The following FANCB variants were observed in gnomAD, a reference collection of about 807,000 sequenced individuals.
FANCB encodes Fanconi anemia group B protein.
A neutral mutation model predicts 38.9 loss-of-function variants in FANCB; 5 were observed. That is an observed-to-expected ratio of 0.13 (90% confidence interval 0.07 to 0.27). The LOEUF is 0.27. Ranked by LOEUF, FANCB falls within the 10% of genes least tolerant of loss-of-function variation. The pLI, the probability that FANCB is intolerant of heterozygous loss-of-function variation, is 1.00. For synonymous variants in FANCB, 236 were observed against 215.4 expected (o/e 1.10, Z -0.84); for missense variants, 573 against 602.7 (o/e 0.95, Z 0.52).
the FANCB span, among the ~76,000 whole-genome samples, chrX:14,775,766 A>G: frequency 8.9e-6 from 1 of 112,313 alleles, no homozygotes; most frequent in Non-Finnish European, 1.9e-5. Flanking sequence ...GGCTATTTTG[A>G]GTACAGCATC....
At chrX:14,735,078 T>C in the FANCB span, among the ~76,000 whole-genome samples, 2 of 109,743 alleles carry the variant, frequency 1.8e-5, no homozygotes, top group African/African-American at 6.7e-5. Flanking sequence ...TTCAGCTCCA[T>C]CAGGTCATTT....
At chrX:14,810,066 G>A in the FANCB span, among the ~76,000 whole-genome samples, 339 of 112,126 alleles carry the variant, frequency 3.0e-3, 1 homozygote, top group African/African-American at 9.9e-3. Context: ...GGTCTGGAGT[G>A]GACCTCTAGC....
chrX:14,721,251 A>T, the FANCB span, among the ~76,000 whole-genome samples: 1 of 111,065 alleles, frequency 9.0e-6, no homozygotes, highest in East Asian at 2.8e-4. Flanking sequence ...CGTTTTAGAG[A>T]TGTATTGCAT....
chrX:14,735,871 T>C, the FANCB span, among the ~76,000 whole-genome samples: 3 of 111,616 alleles, frequency 2.7e-5, no homozygotes, highest in Non-Finnish European at 5.7e-5. Flanking sequence ...CCCAGGGAGA[T>C]GGGAGTTTTA....
At chrX:14,823,079 C>CTTTTTTT in the FANCB span, among the ~76,000 whole-genome samples, 36 of 71,099 alleles carry the variant, frequency 5.1e-4, 2 homozygotes, top group East Asian at 2.1e-3. Flanking sequence ...TACCCTTTTA[C>CTTTTTTT]TTTTTTTTTT....
At chrX:14,795,919 A>G in the FANCB span, among the ~76,000 whole-genome samples, 1 of 111,986 alleles carries the variant, frequency 8.9e-6, no homozygotes, top group South Asian at 3.7e-4. Context: ...AGTAAAAAAG[A>G]GGTAGCACTA....
At chrX:14,823,733 A>T in the FANCB span, among the ~76,000 whole-genome samples, 1 of 112,092 alleles carries the variant, frequency 8.9e-6, no homozygotes, top group African/African-American at 3.2e-5. Flanking sequence ...TAGTTTGATA[A>T]TTTTTGACAA....
At chrX:14,848,652 C>T (rs954729905) in intron 7 of FANCB, among the ~76,000 whole-genome samples, 5 of 111,880 alleles carry the variant, frequency 4.5e-5, no homozygotes, top group African/African-American at 1.6e-4. Flanking sequence ...TGTTTTAAGG[C>T]TCTGTTAGAA....
At chrX:14,759,166 G>A in the FANCB span, among the ~76,000 whole-genome samples, 1 of 111,105 alleles carries the variant, frequency 9.0e-6, no homozygotes, top group Non-Finnish European at 1.9e-5. Context: ...ATCCAACAAA[G>A]ACAAAGAAAA....
the FANCB span, among the ~76,000 whole-genome samples, chrX:14,751,829 T>C: frequency 1.8e-5 from 2 of 111,545 alleles, no homozygotes; most frequent in African/African-American, 6.5e-5. Context: ...CTCTAAATCA[T>C]GCCATTTCTG....
the FANCB span, among the ~76,000 whole-genome samples, chrX:14,774,404 T>C: frequency 3.6e-4 from 40 of 111,977 alleles, no homozygotes; most frequent in African/African-American, 1.3e-3. Context: ...GAAATCCATA[T>C]GAGGATTTAG....
chrX:14,870,512 T>G (rs1190648197), intron 1 of FANCB, among the ~76,000 whole-genome samples: 1 of 111,773 alleles, frequency 8.9e-6, no homozygotes, highest in Non-Finnish European at 1.9e-5. Flanking sequence ...ACTACATAAT[T>G]AATTTGAGCT....
At chrX:14,776,161 A>G in the FANCB span, among the ~76,000 whole-genome samples, 7,274 of 110,132 alleles carry the variant, frequency 0.066, 378 homozygotes, top group African/African-American at 0.15. Flanking sequence ...CAATGGCAGG[A>G]ATGGTGGAAA....
At chrX:14,797,118 A>G in the FANCB span, among the ~76,000 whole-genome samples, 2 of 111,713 alleles carry the variant, frequency 1.8e-5, no homozygotes, top group Admixed American at 1.9e-4. Context: ...ACACACAGAG[A>G]ATAATGTATG....
In FANCB at chrX:14,843,584, T is replaced by C. The variant is rs773885877; in HGVS notation, c.2563A>G (p.Lys855Glu). The part of the protein sequence containing the change: ...VQLKSDFAAQ[K>E]LSNL Reference sequence around the variant, plus strand: ...AATTATAATTATAAATTACTCAGTTTCTGTGCAGCAAAGTCTGATTTCAAC... The same window carrying C: ...AATTATAATTATAAATTACTCAGTTCCTGTGCAGCAAAGTCTGATTTCAAC... Residue 855 changes from lysine to glutamate, a missense_variant, in exon 10 of 10, where the codon AAA becomes GAA. Coordinates refer to ENST00000650831, the MANE Select transcript of FANCB (RefSeq NM_001018113.3). 8.5e-6 allele frequency: 10 copies of C among 1,183,000 alleles called. No homozygotes were observed. Among genetic ancestry groups the C allele is most frequent in the Non-Finnish European group, 1.0e-5 (9 of 873,084 alleles).
At chrX:14,746,682 G>T in the FANCB span, among the ~76,000 whole-genome samples, 1 of 112,052 alleles carries the variant, frequency 8.9e-6, no homozygotes. Flanking sequence ...GCTACCAGCT[G>T]AATATTCAGC....
the FANCB span, among the ~76,000 whole-genome samples, chrX:14,826,618 T>C: frequency 8.9e-6 from 1 of 112,754 alleles, no homozygotes; most frequent in Admixed American, 9.4e-5. Context: ...TTAACTATTT[T>C]TAAGTTTCCT....
intron 5 of FANCB, among the ~76,000 whole-genome samples, chrX:14,853,753 T>A (rs995438343): frequency 1.8e-5 from 2 of 111,701 alleles, no homozygotes; most frequent in Non-Finnish European, 3.8e-5. Context: ...CTGAAAAAAA[T>A]AACAATTTGG....
chrX:14,749,964 C>T, the FANCB span, among the ~76,000 whole-genome samples: 2 of 112,268 alleles, frequency 1.8e-5, no homozygotes, highest in African/African-American at 3.2e-5. Context: ...CATGAAAAGA[C>T]CCTTTTTCAG....
Sources: allele counts gnomAD v4.1 joint callset (sites outside exome capture counted in the v4.1 genomes callset), GRCh38; gene constraint gnomAD v4.1.1; transcripts MANE v1.5; gene names NCBI Gene and HGNC (gene_info 2026-07-23, HGNC 2026-07-21).